The following BIRC6 variants were observed in gnomAD, a reference collection of about 807,000 sequenced individuals.
BIRC6 encodes dual E2 ubiquitin-conjugating enzyme/E3 ubiquitin-protein ligase BIRC6.
In BIRC6, 98 loss-of-function variants were observed where a neutral mutation model predicts 503.3. The ratio of observed to expected loss-of-function variants is 0.19; its 90% CI spans 0.17 to 0.23. The LOEUF (loss-of-function observed/expected upper bound fraction) is 0.23, where lower values mean the gene tolerates loss of function less well. BIRC6 is among the 10% of genes least tolerant of loss of function. The pLI, the probability that BIRC6 is intolerant of heterozygous loss-of-function variation, is 1.00. For synonymous variants in BIRC6, 2,240 were observed against 2,078.7 expected (o/e 1.08, Z -2.11); for missense variants, 5,360 against 5,806.0 (o/e 0.92, Z 2.50).
At chr2:32,373,381 A>C (rs1314243845) in intron 1 of BIRC6, among the ~76,000 whole-genome samples, 2 of 152,242 alleles carry the variant, frequency 1.3e-5, no homozygotes, top group Non-Finnish European at 2.9e-5. Context: ...TACCAGCATA[A>C]AGATGGACAT....
chr2:32,470,096 T>C (rs2048958438), intron 30 of BIRC6, 72 bp from the exon 31 acceptor site: 4 of 1,213,144 alleles, frequency 3.3e-6, no homozygotes, highest in East Asian at 5.7e-5. Flanking sequence ...TAAATTTCTA[T>C]GTAAATTATT....
At chr2:32,474,895 G>A (rs910392277) in intron 33 of BIRC6, among the ~76,000 whole-genome samples, 1 of 151,982 alleles carries the variant, frequency 6.6e-6, no homozygotes, top group Non-Finnish European at 1.5e-5. Flanking sequence ...ACAGCCAAGT[G>A]GATTTTTAAA....
intron 65 of BIRC6, among the ~76,000 whole-genome samples, chr2:32,562,399 T>C (rs894070529): frequency 6.6e-6 from 1 of 152,250 alleles, no homozygotes; most frequent in African/African-American, 2.4e-5. Context: ...CTTATTCATA[T>C]TTTGCATTAG....
chr2:32,519,625 C>T (rs2055425183), intron 57 of BIRC6, among the ~76,000 whole-genome samples: 1 of 152,136 alleles, frequency 6.6e-6, no homozygotes, highest in Non-Finnish European at 1.5e-5. Context: ...AAGCAATTCT[C>T]CTGCCTCAGC....
intron 65 of BIRC6, among the ~76,000 whole-genome samples, chr2:32,554,876 A>G (rs987114763): frequency 3.9e-5 from 6 of 152,046 alleles, no homozygotes; most frequent in African/African-American, 1.4e-4. Context: ...ATATGACCAT[A>G]TTTATTAAAT....
intron 56 of BIRC6, 50 bp from the exon 57 acceptor site, chr2:32,518,767 A>T (rs373187205): frequency 6.4e-7 from 1 of 1,569,088 alleles, no homozygotes; most frequent in Non-Finnish European, 8.8e-7. Flanking sequence ...TTATAACAAT[A>T]TGTATTCCAA....
intron 66 of BIRC6, among the ~76,000 whole-genome samples, chr2:32,579,887 C>T (rs2151131076): frequency 6.7e-6 from 1 of 148,570 alleles, no homozygotes; most frequent in Admixed American, 6.7e-5. Flanking sequence ...TCTGTGGGCA[C>T]ATAACTAGAA....
At chr2:32,367,835 C>G (rs1353444030) in intron 1 of BIRC6, among the ~76,000 whole-genome samples, 1 of 151,956 alleles carries the variant, frequency 6.6e-6, no homozygotes, top group African/African-American at 2.4e-5. Flanking sequence ...CCACCTTCCC[C>G]CCAAAAGTAA....
chr2:32,592,209 A>G (rs1370139274), intron 66 of BIRC6, among the ~76,000 whole-genome samples: 1 of 152,220 alleles, frequency 6.6e-6, no homozygotes, highest in African/African-American at 2.4e-5. Context: ...ACATCTGCCA[A>G]GTCATTTCCT....
At chr2:32,394,282 A>G (rs1452118956) in intron 5 of BIRC6, among the ~76,000 whole-genome samples, 1 of 151,912 alleles carries the variant, frequency 6.6e-6, no homozygotes, top group East Asian at 1.9e-4. Flanking sequence ...TTAATCTTCT[A>G]AAATGTATAG....
At position 32,361,259 on chromosome 2, in the gene BIRC6, G is replaced by A. The variant is rs1015728014; in HGVS notation, c.325+3773G>A. ...CCTAATATATACAGTATAAACTCGA[G>A]TATTTTTGATTGGATGCATATATAA... On this transcript the variant is annotated intron_variant, in intron 1 of 73. Coordinates refer to ENST00000421745, the MANE Select transcript of BIRC6 (RefSeq NM_016252.4). 3.6e-4 allele frequency among the ~76,000 whole-genome samples: 54 copies of A among 152,034 alleles called. 1 individual carries two copies. Among genetic ancestry groups the A allele is most frequent in the African/African-American group, 1.3e-3 (52 of 41,410 alleles).
intron 9 of BIRC6, among the ~76,000 whole-genome samples, chr2:32,411,473 C>T (rs1317598915): frequency 7.0e-6 from 1 of 142,250 alleles, no homozygotes; most frequent in Non-Finnish European, 1.5e-5. Context: ...TTTCGAAAAT[C>T]GCCTAGAGTG....
rs1369144794 is a variant in BIRC6 at position 32,515,389 on chromosome 2, A to C, written c.10968A>C (p.Ser3656=). 1 of 1,613,512 alleles carries C rather than the reference A, an allele frequency of 6.2e-7. No homozygotes were observed. ...HISSSESIAQ[S]IDISQDKLRR... ...CTAGCTCAGAAAGCATTGCCCAGTC[A>C]ATAGATATTTCCCAGGACAAACTCA... Residue 3656 remains serine (S), a synonymous_variant, in exon 55 of 74, where the codon TCA becomes TCC. Coordinates refer to ENST00000421745, the MANE Select transcript of BIRC6 (RefSeq NM_016252.4).
chr2:32,496,232 A>G (rs1032635520), intron 45 of BIRC6, among the ~76,000 whole-genome samples: 1 of 147,774 alleles, frequency 6.8e-6, no homozygotes, highest in African/African-American at 2.5e-5. Context: ...TAATTCATAC[A>G]CTTTTTTTTT....
chr2:32,604,207 G>A (rs2062271590), intron 71 of BIRC6, among the ~76,000 whole-genome samples: 1 of 152,158 alleles, frequency 6.6e-6, no homozygotes, highest in Non-Finnish European at 1.5e-5. Context: ...GGTTCTAAAT[G>A]TACAGATAAC....
At chr2:32,589,652 G>A (rs573517301) in intron 66 of BIRC6, among the ~76,000 whole-genome samples, 1 of 152,270 alleles carries the variant, frequency 6.6e-6, no homozygotes, top group African/African-American at 2.4e-5. Flanking sequence ...TGGTAAACAA[G>A]TTCAGTTGTT....
In BIRC6 at chr2:32,549,423, G is replaced by C. The variant is rs1467381944; in HGVS notation, c.13086G>C (p.Glu4362Asp). 6.6e-7 allele frequency: 1 copy of C among 1,506,662 alleles called. No individual in the cohort carries two copies. The allele number at this position is 1,506,662 out of a possible 1,614,324, so 93.3% of individuals were successfully genotyped here. Residue 4362 changes from glutamate to aspartate, a missense_variant, in exon 65 of 74, where the codon GAG becomes GAC. This residue lies in a region of BIRC6 where 477 missense variants were observed against 574.4 expected (regional missense o/e 0.83). Coordinates refer to ENST00000421745, the MANE Select transcript of BIRC6 (RefSeq NM_016252.4). ...NSNALPSVLL[E>D]LLSQSCLIPA... ...ATGCCCTTCCTTCTGTACTTCTCGA[G>C]CTTCTCAGTCAGTCCTGCCTCATCC...
chr2:32,495,621 T>C (rs894535675), intron 45 of BIRC6, among the ~76,000 whole-genome samples: 1 of 152,162 alleles, frequency 6.6e-6, no homozygotes, highest in Non-Finnish European at 1.5e-5. Flanking sequence ...ATTCTAGATG[T>C]AATCTAAATT....
chr2:32,510,959 C>G (rs1248849712), intron 53 of BIRC6, among the ~76,000 whole-genome samples: 1 of 152,142 alleles, frequency 6.6e-6, no homozygotes, highest in Non-Finnish European at 1.5e-5. Context: ...GTATCAGAGT[C>G]ATACTGTCTT....
Sources: gnomAD v4.1 joint callset for allele counts (sites outside exome capture counted in the v4.1 genomes callset) on GRCh38, gnomAD v4.1.1 for gene constraint, gnomAD v4.1.1 regional missense constraint, MANE v1.5 for transcripts, NCBI Gene and HGNC (gene_info 2026-07-23, HGNC 2026-07-21) for gene names.